Variants in BCKDHB observed in about 807,000 individuals in gnomAD.
BCKDHB encodes the protein branched chain keto acid dehydrogenase E1 subunit beta.
In BCKDHB, 41 loss-of-function variants were observed where a neutral mutation model predicts 48.5. That is an observed-to-expected ratio of 0.85 (90% CI 0.66 to 1.10). BCKDHB has a LOEUF of 1.10. Ranked by LOEUF, BCKDHB falls within the 50% of genes least tolerant of loss-of-function variation. BCKDHB has a pLI of 0.00. For synonymous variants in BCKDHB, 201 were observed against 174.8 expected (o/e 1.15, Z -1.18); for missense variants, 496 against 494.2 (o/e 1.00, Z -0.03).
chr6:80,210,135 CAAA>C (rs61476553), intron 8 of BCKDHB, among the ~76,000 whole-genome samples: 45,939 of 112,812 alleles, frequency 0.41, 8,167 homozygotes, highest in Admixed American at 0.57. Flanking sequence ...AAGAAATATA[CAAA>C]AAAAAAAAAA....
At position 80,343,834 on chromosome 6, in the gene BCKDHB, G is replaced by A; in HGVS notation, c.*30G>A. 1 of 1,611,732 alleles carries A rather than the reference G, an allele frequency of 6.2e-7. No homozygotes were observed. The highest frequency in any genetic ancestry group is 8.5e-7 in the Non-Finnish European group (1 of 1,177,990). On this transcript the variant is annotated 3_prime_UTR_variant, in exon 10 of 10. Coordinates refer to ENST00000320393, the MANE Select transcript of BCKDHB (RefSeq NM_183050.4). Reference sequence around the variant, plus strand: ...ATAGGTAGGTATGCATCTTGAGAAAGCTACTATGTGCCCCTGACATTAACG... The same window carrying A: ...ATAGGTAGGTATGCATCTTGAGAAAACTACTATGTGCCCCTGACATTAACG...
At chr6:80,199,542 C>G (rs1774284373) in intron 6 of BCKDHB, among the ~76,000 whole-genome samples, 1 of 151,928 alleles carries the variant, frequency 6.6e-6, no homozygotes, top group African/African-American at 2.4e-5. Flanking sequence ...CTTTGGGAGC[C>G]TCGGGGGGCA....
intron 7 of BCKDHB, among the ~76,000 whole-genome samples, chr6:80,202,754 C>T (rs552714746): frequency 6.7e-6 from 1 of 149,564 alleles, no homozygotes; most frequent in African/African-American, 2.5e-5. Context: ...CCTCTTGGTC[C>T]ATTTTTTCCT....
chr6:80,182,874 T>A (rs1380123604), intron 6 of BCKDHB, among the ~76,000 whole-genome samples: 1 of 152,196 alleles, frequency 6.6e-6, no homozygotes, highest in East Asian at 1.9e-4. Flanking sequence ...TTTTTACCAA[T>A]ATATTTTTGA....
At chr6:80,362,990 G>A in the BCKDHB span, among the ~76,000 whole-genome samples, 8 of 151,994 alleles carry the variant, frequency 5.3e-5, no homozygotes, top group Non-Finnish European at 1.2e-4. Flanking sequence ...TAGCTATTTT[G>A]TCATACTACA....
intron 8 of BCKDHB, among the ~76,000 whole-genome samples, chr6:80,270,931 G>A (rs638921): frequency 6.6e-6 from 1 of 152,096 alleles, no homozygotes; most frequent in South Asian, 2.1e-4. Context: ...ATTTTTAAAT[G>A]TTTGGCACTA....
At chr6:80,456,749 C>G in the BCKDHB span, among the ~76,000 whole-genome samples, 5 of 152,168 alleles carry the variant, frequency 3.3e-5, no homozygotes, top group Non-Finnish European at 5.9e-5. Context: ...TATGAGGATT[C>G]TTACTGCATT....
intron 9 of BCKDHB, chr6:80,307,337 A>T (rs925175267): frequency 9.3e-5 from 77 of 829,652 alleles, no homozygotes; most frequent in Non-Finnish European, 1.1e-4. Flanking sequence ...TTGTGCATTG[A>T]CAGATATTTA....
At chr6:80,273,312 A>G in intron 9 of BCKDHB, 91 bp downstream of exon 9, 1 of 1,119,330 alleles carries the variant, frequency 8.9e-7, no homozygotes, top group South Asian at 1.3e-5. Context: ...AATATGTGAA[A>G]GCATACACTT....
rs3840387 is a variant in BCKDHB, at chr6:80,205,791, GGTGTGTGT to G, written c.951+2616_951+2623del. The stretch of plus-strand genomic sequence containing the variant: ...AGACAGAGACCTACCCTGTGCCATG[GGTGTGTGT>G]GTGTGTGTGTGTGTGTGTGTGTGTG... On this transcript the variant is annotated intron_variant, in intron 8 of 9. Transcript: ENST00000320393. 5.9e-4 allele frequency among the ~76,000 whole-genome samples: 80 copies of G among 135,168 alleles called. No individual in the cohort carries two copies. In the South Asian group the frequency reaches 6.0e-3, roughly 10 times the overall value. 88.7% of individuals were successfully genotyped at this position (135,168 alleles called of 152,430 possible).
rs79394339 is a variant in BCKDHB, at chr6:80,224,936, G to T, written c.951+21724G>T. Among the ~76,000 whole-genome samples, 848 of 152,264 alleles carry T rather than the reference G, an allele frequency of 5.6e-3. 6 individuals are homozygous for T. The highest frequency in any genetic ancestry group is 0.02 in the African/African-American group (811 of 41,556). ...CACTGGATTTTTCCCATAAAGTGAGGCAACCAGTTCTTTTGTTGTGCGGTT... is the reference window on the plus strand; with the variant it reads ...CACTGGATTTTTCCCATAAAGTGAGTCAACCAGTTCTTTTGTTGTGCGGTT... On this transcript the variant is annotated intron_variant, in intron 8 of 9. Coordinates refer to ENST00000320393, the MANE Select transcript of BCKDHB (RefSeq NM_183050.4).
chr6:80,152,896 G>T (rs1165976059), intron 3 of BCKDHB, among the ~76,000 whole-genome samples: 1 of 152,114 alleles, frequency 6.6e-6, no homozygotes. Flanking sequence ...ACCCTTGAGG[G>T]GGCTAGTGTA....
At chr6:80,222,544 A>G (rs1026949948) in intron 8 of BCKDHB, among the ~76,000 whole-genome samples, 4 of 152,158 alleles carry the variant, frequency 2.6e-5, no homozygotes, top group Admixed American at 2.6e-4. Context: ...AAGTCTTTCA[A>G]CACTGAGTTT....
At chr6:80,211,136 C>T (rs1774913905) in intron 8 of BCKDHB, among the ~76,000 whole-genome samples, 2 of 151,762 alleles carry the variant, frequency 1.3e-5, no homozygotes, top group Middle Eastern at 3.4e-3. Context: ...AACAACACTG[C>T]AAAAAAAGAA....
intron 8 of BCKDHB, among the ~76,000 whole-genome samples, chr6:80,220,994 A>G (rs1775423898): frequency 1.3e-5 from 2 of 151,790 alleles, no homozygotes; most frequent in Middle Eastern, 3.2e-3. Flanking sequence ...TGGCCTCCCA[A>G]AGTGCTGGGA....
rs182743571 is a variant in BCKDHB, at chr6:80,263,154, C to T, written c.952-9981C>T. Among the ~76,000 whole-genome samples, 29 of 152,240 alleles carry T rather than the reference C, an allele frequency of 1.9e-4. No homozygotes were observed. The East Asian group carries it at 4.8e-3, about 25-fold the overall frequency. ...AATTTTTGACCTTAAGATTTTTGTGCCTCTGTTGTGCCACTGCTCTCCATT... is the reference window on the plus strand; with the variant it reads ...AATTTTTGACCTTAAGATTTTTGTGTCTCTGTTGTGCCACTGCTCTCCATT... On this transcript the variant is annotated intron_variant, in intron 8 of 9. Transcript: ENST00000320393.
chr6:80,429,539 C>T, the BCKDHB span, among the ~76,000 whole-genome samples: 3 of 152,078 alleles, frequency 2.0e-5, no homozygotes, highest in African/African-American at 7.2e-5. Flanking sequence ...TGTGCCCTCT[C>T]TTATTTCCTT....
intron 6 of BCKDHB, among the ~76,000 whole-genome samples, chr6:80,186,611 A>G (rs905869351): frequency 6.6e-6 from 1 of 152,040 alleles, no homozygotes; most frequent in Non-Finnish European, 1.5e-5. Context: ...TGCCCCCTGG[A>G]CTCTGCTCAG....
intron 1 of BCKDHB, among the ~76,000 whole-genome samples, chr6:80,126,168 G>T (rs1770329676): frequency 6.6e-6 from 1 of 152,162 alleles, no homozygotes; most frequent in East Asian, 1.9e-4. Context: ...GGCTATGATT[G>T]TGGGCACAGA....
Sources: allele counts gnomAD v4.1 joint callset (sites outside exome capture counted in the v4.1 genomes callset), GRCh38; gene constraint gnomAD v4.1.1; transcripts MANE v1.5; gene names NCBI Gene and HGNC (gene_info 2026-07-23, HGNC 2026-07-21).